Variants in RBFOX1 observed in about 807,000 individuals in gnomAD.
RBFOX1 encodes the protein RNA binding protein fox-1 homolog 1.
RBFOX1 carries 8 observed loss-of-function variants against 57.7 expected under a neutral mutation model. The ratio of observed to expected loss-of-function variants is 0.14; its 90% CI spans 0.08 to 0.25. The LOEUF (loss-of-function observed/expected upper bound fraction) is 0.25, where lower values mean the gene tolerates loss of function less well. Among genes scored for constraint, RBFOX1 ranks in the 10% least tolerant of loss-of-function variants. The probability of loss-of-function intolerance (pLI) is 1.00; values close to 1 mark genes in which losing one functional copy is unlikely to be tolerated. For missense variants in RBFOX1, 611 were observed against 548.5 expected, an observed-to-expected ratio of 1.11 and a Z score of -1.14; for synonymous variants, 326 against 222.4, an observed-to-expected ratio of 1.47 and a Z score of -4.15.
At chr16:5,305,706 C>T (rs565646811) in intron 1 of RBFOX1, among the ~76,000 whole-genome samples, 7 of 152,286 alleles carry the variant, frequency 4.6e-5, no homozygotes, top group African/African-American at 1.4e-4. Flanking sequence ...CAGATGGACA[C>T]TTCTGGGTGG....
At chr16:6,197,710 G>A (rs186411359) in intron 1 of RBFOX1, among the ~76,000 whole-genome samples, 17 of 151,906 alleles carry the variant, frequency 1.1e-4, no homozygotes, top group Admixed American at 8.5e-4. Context: ...TCATGTCATG[G>A]GGATTCGTTG....
intron 1 of RBFOX1, among the ~76,000 whole-genome samples, chr16:6,155,559 G>A (rs1050693789): frequency 1.3e-5 from 2 of 152,188 alleles, no homozygotes; most frequent in Admixed American, 6.5e-5. Flanking sequence ...GTCCCACATC[G>A]ATAGTGACCA....
chr16:7,500,300 A>G (rs1350009097), intron 4 of RBFOX1, among the ~76,000 whole-genome samples: 1 of 152,208 alleles, frequency 6.6e-6, no homozygotes, highest in African/African-American at 2.4e-5. Context: ...AATTCTGTGA[A>G]CATACTTACA....
chr16:6,530,043 C>A (rs953472258), intron 2 of RBFOX1, among the ~76,000 whole-genome samples: 1 of 152,184 alleles, frequency 6.6e-6, no homozygotes, highest in African/African-American at 2.4e-5. Flanking sequence ...TTCAAAGTAG[C>A]TATTTTACAA....
At chr16:6,658,818 A>G (rs958276366) in intron 3 of RBFOX1, among the ~76,000 whole-genome samples, 3 of 152,080 alleles carry the variant, frequency 2.0e-5, no homozygotes, top group Non-Finnish European at 4.4e-5. Flanking sequence ...GTTCCTGGCC[A>G]TTGCTTAAAC....
At chr16:7,470,889 G>T (rs1217870607) in intron 4 of RBFOX1, among the ~76,000 whole-genome samples, 1 of 150,522 alleles carries the variant, frequency 6.6e-6, no homozygotes, top group Non-Finnish European at 1.5e-5. Flanking sequence ...GGGCGGGATG[G>T]GGGAGTATAA....
At chr16:7,075,485 A>AT (rs908704805) in intron 4 of RBFOX1, among the ~76,000 whole-genome samples, 166 of 151,968 alleles carry the variant, frequency 1.1e-3, no homozygotes, top group Non-Finnish European at 2.1e-3. Context: ...AAATATCTAG[A>AT]TTTTTTTTGG....
intron 2 of RBFOX1, among the ~76,000 whole-genome samples, chr16:6,607,845 C>G (rs1032129044): frequency 2.6e-5 from 4 of 152,194 alleles, no homozygotes; most frequent in African/African-American, 7.2e-5. Context: ...CTTAACATGA[C>G]TTACATCCTC....
chr16:6,909,725 A>G (rs113571787), intron 3 of RBFOX1, among the ~76,000 whole-genome samples: 16 of 152,268 alleles, frequency 1.1e-4, no homozygotes, highest in African/African-American at 3.1e-4. Context: ...GGCAGTCACA[A>G]TGACTGTTGT....
intron 1 of RBFOX1, among the ~76,000 whole-genome samples, chr16:6,179,384 A>T (rs1030745865): frequency 7.2e-5 from 11 of 152,200 alleles, no homozygotes; most frequent in African/African-American, 2.7e-4. Flanking sequence ...GTTTAGAGCT[A>T]GGTTTATCTG....
chr16:7,018,847 A>G (rs1365756147), intron 3 of RBFOX1, among the ~76,000 whole-genome samples: 2 of 152,086 alleles, frequency 1.3e-5, no homozygotes, highest in South Asian at 4.1e-4. Flanking sequence ...GGCCAGGTGC[A>G]GTGGCTGACG....
intron 13 of RBFOX1, among the ~76,000 whole-genome samples, chr16:7,674,705 A>T (rs2072731225): frequency 1.3e-5 from 2 of 152,334 alleles, no homozygotes; most frequent in South Asian, 4.1e-4. Context: ...AGATGACCAC[A>T]TTTGCTGTGC....
chr16:7,359,903 G>T (rs1193821940), intron 4 of RBFOX1, among the ~76,000 whole-genome samples: 1 of 151,700 alleles, frequency 6.6e-6, no homozygotes, highest in Non-Finnish European at 1.5e-5. Context: ...GGAATGGTGT[G>T]AACCCAGGAG....
chr16:6,242,052 A>C (rs1262009751), intron 1 of RBFOX1, among the ~76,000 whole-genome samples: 1 of 152,226 alleles, frequency 6.6e-6, no homozygotes. Flanking sequence ...ATAAAATTTG[A>C]AATTGAATTC....
chr16:7,231,172 A>T (rs552571505), intron 4 of RBFOX1, among the ~76,000 whole-genome samples: 1 of 152,250 alleles, frequency 6.6e-6, no homozygotes, highest in African/African-American at 2.4e-5. Flanking sequence ...TATAGCTTAA[A>T]ACTCCCATTC....
intron 4 of RBFOX1, among the ~76,000 whole-genome samples, chr16:7,380,652 C>G (rs913509890): frequency 6.6e-6 from 1 of 152,246 alleles, no homozygotes; most frequent in Non-Finnish European, 1.5e-5. Flanking sequence ...CACCGCTGAT[C>G]ATCCAAATGT....
At chr16:7,484,009 A>G (rs537840907) in intron 4 of RBFOX1, among the ~76,000 whole-genome samples, 1 of 152,062 alleles carries the variant, frequency 6.6e-6, no homozygotes, top group Non-Finnish European at 1.5e-5. Flanking sequence ...CTGCCCCCCC[A>G]TTCCCTAACC....
chr16:6,335,973 G>A (rs1599758673), intron 2 of RBFOX1, among the ~76,000 whole-genome samples: 1 of 150,016 alleles, frequency 6.7e-6, no homozygotes, highest in African/African-American at 2.4e-5. Context: ...CATGATGGGA[G>A]AATGAAGCCC....
Position 7,626,593 on chromosome 16 carries a change from G to A in RBFOX1, c.677-4010G>A, listed in dbSNP as rs371257104. Among the ~76,000 whole-genome samples the A allele has an allele frequency of 1.3e-4, 20 of 152,264 alleles. No homozygotes were observed. The South Asian group carries it at 3.9e-3, about 30-fold the overall frequency. On this transcript the variant is annotated intron_variant, in intron 10 of 15. Coordinates refer to ENST00000550418, the MANE Select transcript of RBFOX1 (RefSeq NM_018723.4). ...TACAGTCATCGACAGTCCAGGCTGC[G>A]CAGGTTTCTTGTTAGAGTGGGTGAG...
Sources: allele counts gnomAD v4.1 joint callset (sites outside exome capture counted in the v4.1 genomes callset), GRCh38; gene constraint gnomAD v4.1.1; transcripts MANE v1.5; gene names NCBI Gene and HGNC (gene_info 2026-07-23, HGNC 2026-07-21).